NR5A2: variants seen among roughly 807,000 people sequenced by gnomAD.
NR5A2 encodes the protein CYP7A promoter-binding factor.
A neutral mutation model predicts 62.7 loss-of-function variants in NR5A2; 26 were observed. The observed-to-expected ratio is 0.41, with a 90% CI of 0.30 to 0.58. The LOEUF (loss-of-function observed/expected upper bound fraction) is 0.58. Among genes scored for constraint, NR5A2 ranks in the 20% least tolerant of loss-of-function variants. The probability of loss-of-function intolerance (pLI) is 0.22; values close to 1 mark genes in which losing one functional copy is unlikely to be tolerated. For synonymous variants in NR5A2, 246 were observed against 241.7 expected (o/e 1.02, Z -0.16); for missense variants, 541 against 669.1 (o/e 0.81, Z 2.11).
chr1:200,061,045 A>G (rs900454766), intron 5 of NR5A2, among the ~76,000 whole-genome samples: 2 of 148,494 alleles, frequency 1.3e-5, no homozygotes, highest in African/African-American at 5.0e-5. Flanking sequence ...GGTCGAACCC[A>G]GGAGGCGAAG....
In NR5A2 at chr1:200,041,653, G is replaced by C. The variant is rs115344338; in HGVS notation, c.202+1858G>C. Among the ~76,000 whole-genome samples the C allele has an allele frequency of 8.5e-3, 1,292 of 152,334 alleles. 20 individuals are homozygous for C. The highest frequency in any genetic ancestry group is 0.029 in the African/African-American group (1,220 of 41,568). The stretch of plus-strand genomic sequence containing the variant: ...TTCCCTAGACCGAAACTGGGGAAGA[G>C]TGTGGGCGCTTCTTTGCCCCGATGA... On this transcript the variant is annotated intron_variant, in intron 2 of 7. Transcript: ENST00000367362.
chr1:200,138,938 A>T (rs370041110), intron 7 of NR5A2, among the ~76,000 whole-genome samples: 1 of 152,184 alleles, frequency 6.6e-6, no homozygotes, highest in Non-Finnish European at 1.5e-5. Flanking sequence ...GTTGTTCCAC[A>T]AAGAACCCAG....
intron 7 of NR5A2, among the ~76,000 whole-genome samples, chr1:200,170,080 A>T (rs1654100842): frequency 6.6e-6 from 1 of 152,238 alleles, no homozygotes; most frequent in South Asian, 2.1e-4. Flanking sequence ...CAGAACATGT[A>T]ATCATTTGTC....
intron 7 of NR5A2, among the ~76,000 whole-genome samples, chr1:200,172,954 ATCTG>A (rs138983374): frequency 1.6e-4 from 24 of 152,288 alleles, no homozygotes; most frequent in African/African-American, 2.6e-4. Context: ...ACACACACGT[ATCTG>A]TCTATTTTTT....
intron 5 of NR5A2, among the ~76,000 whole-genome samples, chr1:200,094,073 G>A (rs562281537): frequency 6.6e-6 from 1 of 152,232 alleles, no homozygotes; most frequent in South Asian, 2.1e-4. Context: ...GGAGGCCGAG[G>A]CAGGAGAATC....
At chr1:200,118,020 T>TTTTA (rs67574505) in intron 6 of NR5A2, among the ~76,000 whole-genome samples, 1 of 15,096 alleles carries the variant, frequency 6.6e-5, no homozygotes, top group African/African-American at 1.8e-4. Context: ...CGCCTTTTTC[T>TTTTA]TTTTTTTTTT....
chr1:200,152,450 C>T (rs1033750914), intron 7 of NR5A2, among the ~76,000 whole-genome samples: 2 of 152,078 alleles, frequency 1.3e-5, no homozygotes, highest in African/African-American at 2.4e-5. Context: ...AAGGCAAAAA[C>T]GTGCCTGATA....
At chr1:200,041,084 G>A (rs1486393227) in intron 2 of NR5A2, among the ~76,000 whole-genome samples, 1 of 152,136 alleles carries the variant, frequency 6.6e-6, no homozygotes, top group African/African-American at 2.4e-5. Flanking sequence ...AAGTGGCGCT[G>A]GGGGGCTGGG....
In NR5A2 at chr1:200,174,307, C is replaced by A; in HGVS notation, c.*97C>A. On this transcript the variant is annotated 3_prime_UTR_variant, in exon 8 of 8. Coordinates refer to ENST00000367362, the MANE Select transcript of NR5A2 (RefSeq NM_205860.3). ...GGAAGAAAAAAAGTACTCTGAACTG[C>A]TCCAAGTAACGCTAATTAAAAACTT... is the stretch of plus-strand genomic sequence containing the variant. The A allele has an allele frequency of 7.8e-7, 1 of 1,284,416 alleles. No individual in the cohort carries two copies. The highest frequency in any genetic ancestry group is 1.0e-6 in the Non-Finnish European group (1 of 977,630). The allele number at this position is 1,284,416 out of a possible 1,614,324, so 79.6% of individuals were successfully genotyped here.
chr1:200,151,755 T>C (rs1653139258), intron 7 of NR5A2, among the ~76,000 whole-genome samples: 1 of 152,234 alleles, frequency 6.6e-6, no homozygotes, highest in African/African-American at 2.4e-5. Context: ...TGGTTTTCTT[T>C]TGCATTTGTC....
At chr1:200,164,486 AT>A (rs1203468012) in intron 7 of NR5A2, among the ~76,000 whole-genome samples, 1 of 152,100 alleles carries the variant, frequency 6.6e-6, no homozygotes, top group Non-Finnish European at 1.5e-5. Context: ...AACATTAATT[AT>A]AGTAAAATAT....
At chr1:200,093,764 C>T (rs1030099219) in intron 5 of NR5A2, among the ~76,000 whole-genome samples, 2 of 152,144 alleles carry the variant, frequency 1.3e-5, no homozygotes, top group African/African-American at 2.4e-5. Context: ...AATTTTGCCT[C>T]GAGGAAGAGT....
chr1:200,136,117 T>C (rs903319047), intron 7 of NR5A2, among the ~76,000 whole-genome samples: 2 of 152,204 alleles, frequency 1.3e-5, no homozygotes, highest in African/African-American at 4.8e-5. Context: ...CAATTAGGCC[T>C]CTTCCTAGGT....
intron 5 of NR5A2, among the ~76,000 whole-genome samples, chr1:200,070,678 T>C (rs1276697988): frequency 1.4e-5 from 1 of 69,672 alleles, no homozygotes; most frequent in Non-Finnish European, 3.1e-5. Flanking sequence ...AGACTCTGTC[T>C]CAAAAAAAAA....
At chr1:200,088,508 C>A (rs1322242152) in intron 5 of NR5A2, among the ~76,000 whole-genome samples, 1 of 151,514 alleles carries the variant, frequency 6.6e-6, no homozygotes, top group Non-Finnish European at 1.5e-5. Context: ...CTGCCCACGT[C>A]GGCCTCCCAA....
rs538709673 is a variant in NR5A2 at position 200,087,999 on chromosome 1, C to T, written c.1111-23203C>T. Among the ~76,000 whole-genome samples the T allele has an allele frequency of 5.3e-5, 8 of 152,272 alleles. No homozygotes were observed. The South Asian group carries it at 1.7e-3, about 32-fold the overall frequency. On this transcript the variant is annotated intron_variant, in intron 5 of 7. Coordinates refer to ENST00000367362, the MANE Select transcript of NR5A2 (RefSeq NM_205860.3). ...CTCCTGATCGTAGGTGATCTGCCCACCTGGGCCTCACAAAATGCTGGGATT... is the reference window on the plus strand; with the variant it reads ...CTCCTGATCGTAGGTGATCTGCCCATCTGGGCCTCACAAAATGCTGGGATT...
At chr1:200,173,813 G>A in intron 7 of NR5A2, 150 bp from the exon 8 acceptor site, 5 of 744,476 alleles carry the variant, frequency 6.7e-6, no homozygotes, top group Non-Finnish European at 9.7e-6. Flanking sequence ...CAGGAAGTTT[G>A]GTGAGTGGGG....
At chr1:200,173,399 G>C (rs372071807) in intron 7 of NR5A2, among the ~76,000 whole-genome samples, 2 of 152,218 alleles carry the variant, frequency 1.3e-5, no homozygotes, top group African/African-American at 4.8e-5. Flanking sequence ...CGAATATTCT[G>C]TTGGCAGTCA....
chr1:200,155,340 A>C (rs775497589), intron 7 of NR5A2, among the ~76,000 whole-genome samples: 15 of 152,258 alleles, frequency 9.9e-5, no homozygotes, highest in Non-Finnish European at 1.5e-4. Flanking sequence ...ATGAAGCACA[A>C]AAGATAGAGA....
Sources: gnomAD v4.1 joint callset for allele counts (sites outside exome capture counted in the v4.1 genomes callset) on GRCh38, gnomAD v4.1.1 for gene constraint, MANE v1.5 for transcripts, NCBI Gene and HGNC (gene_info 2026-07-23, HGNC 2026-07-21) for gene names.